The following CDC42BPA variants were observed in gnomAD, a reference collection of about 807,000 sequenced individuals.
CDC42BPA encodes the protein serine/threonine-protein kinase MRCK alpha.
CDC42BPA carries 80 observed loss-of-function variants against 223.5 expected under a neutral mutation model. That is an observed-to-expected ratio of 0.36 (90% CI 0.30 to 0.43). The LOEUF is 0.43. Ranked by LOEUF, CDC42BPA falls within the 20% of genes least tolerant of loss-of-function variation. The pLI is 1.00. For missense variants in CDC42BPA, 1,743 were observed against 2,099.9 expected (o/e 0.83, Z 3.32); for synonymous variants, 694 against 718.6 (o/e 0.97, Z 0.55).
At chr1:227,102,452 T>C (rs933169907) in intron 14 of CDC42BPA, among the ~76,000 whole-genome samples, 3 of 152,166 alleles carry the variant, frequency 2.0e-5, no homozygotes, top group South Asian at 2.1e-4. Flanking sequence ...TAAATTGACA[T>C]CTGTGGCACT....
At chr1:227,315,955 CAAAA>C (rs71180728) in intron 1 of CDC42BPA, among the ~76,000 whole-genome samples, 67 of 110,982 alleles carry the variant, frequency 6.0e-4, no homozygotes, top group African/African-American at 2.0e-3. Context: ...ATTTCAAATC[CAAAA>C]AAAAAAAAAA....
In CDC42BPA at chr1:227,031,478, A is replaced by G; in HGVS notation, c.3595T>C (p.Cys1199Arg). The change falls in exon 28 of 37, where the codon TGT (cysteine) becomes CGT (arginine). Residue 1199 changes from cysteine (C) to arginine (R), a missense_variant. Physicochemically the swap from Cys to Arg is radical, Grantham distance 180. Transcript: ENST00000366766. ...ASQLSASNNK[C>R]SILMLADTEN... is the part of the protein sequence containing the mutation. ...GTGTCTGCTAGCATCAGGATTGAAC[A>G]TTTGTTATTAGATGCTGAGAGCTGG... 2 of 1,614,088 alleles carry G rather than the reference A, an allele frequency of 1.2e-6. No homozygotes were observed. The highest frequency in any genetic ancestry group is 1.7e-6 in the Non-Finnish European group (2 of 1,179,952).
At chr1:227,189,834 A>T (rs889829500) in intron 5 of CDC42BPA, among the ~76,000 whole-genome samples, 7 of 152,166 alleles carry the variant, frequency 4.6e-5, no homozygotes, top group Non-Finnish European at 1.0e-4. Context: ...TAAACACAAC[A>T]GTCTCACTAG....
Position 226,992,859 on chromosome 1 carries a change from G to A in CDC42BPA, c.*1409C>T, listed in dbSNP as rs2148188203. On this transcript the variant is annotated 3_prime_UTR_variant, in exon 37 of 37. Coordinates refer to ENST00000366766, the MANE Select transcript of CDC42BPA (RefSeq NM_001394014.1). ...AACTACAACAGGAGGAATCCAGCTG[G>A]AAATGCCACTAACCCCACAATCCAG... 6.6e-6 allele frequency: 1 copy of A among 152,326 alleles called. No homozygotes were observed. Among genetic ancestry groups the A allele is most frequent in the East Asian group, 1.9e-4 (1 of 5,182 alleles). The allele number at this position is 152,326 out of a possible 1,614,324, so 9.4% of individuals were successfully genotyped here.
chr1:226,998,143 G>A (rs893692169), intron 35 of CDC42BPA, among the ~76,000 whole-genome samples: 1 of 152,160 alleles, frequency 6.6e-6, no homozygotes, highest in Non-Finnish European at 1.5e-5. Context: ...GGAAACAAGA[G>A]AGGACACAAA....
chr1:227,291,199 C>CA (rs1434167405), intron 1 of CDC42BPA, among the ~76,000 whole-genome samples: 3 of 152,008 alleles, frequency 2.0e-5, no homozygotes, highest in African/African-American at 7.2e-5. Flanking sequence ...CCCACCTGAA[C>CA]AAAAAATCAT....
chr1:227,066,394 AAAAAACAAAAAC>A (rs902395526), intron 21 of CDC42BPA, among the ~76,000 whole-genome samples: 4 of 148,164 alleles, frequency 2.7e-5, no homozygotes, highest in Admixed American at 1.3e-4. Flanking sequence ...GTCTCAAAAA[AAAAAACAAAAAC>A]AAAAACAAAA....
Position 227,016,410 on chromosome 1 carries a change from A to G in CDC42BPA, c.4740-213T>C, listed in dbSNP as rs976208666. The stretch of plus-strand genomic sequence containing the variant: ...ATCTTACGATTTTAGGTGGAATAGT[A>G]GAGGATCTTTTTAAATACTTAAGAC... On this transcript the variant is annotated intron_variant, in intron 33 of 36. Coordinates refer to ENST00000366766, the MANE Select transcript of CDC42BPA (RefSeq NM_001394014.1). 2.6e-5 allele frequency among the ~76,000 whole-genome samples: 4 copies of G among 152,232 alleles called. No homozygotes were observed. In the South Asian group the frequency reaches 8.3e-4, roughly 31 times the overall value.
chr1:227,087,394 G>A (rs542322265), intron 16 of CDC42BPA, among the ~76,000 whole-genome samples: 11 of 135,992 alleles, frequency 8.1e-5, no homozygotes, highest in African/African-American at 1.4e-4. Context: ...TGGACTCTTC[G>A]TTTCATTATG....
chr1:227,128,982 C>T, intron 11 of CDC42BPA, 127 bp downstream of exon 11: 1 of 667,910 alleles, frequency 1.5e-6, no homozygotes, highest in Non-Finnish European at 2.5e-6. Flanking sequence ...CTTATTTGCC[C>T]TTCCCTGACT....
chr1:227,124,205 T>C (rs895542768), intron 11 of CDC42BPA, among the ~76,000 whole-genome samples: 2 of 151,940 alleles, frequency 1.3e-5, no homozygotes, highest in African/African-American at 2.4e-5. Context: ...AAGAAGCAAA[T>C]ATTAAAAAGA....
intron 6 of CDC42BPA, among the ~76,000 whole-genome samples, chr1:227,154,502 C>T (rs917955289): frequency 2.0e-5 from 3 of 151,514 alleles, no homozygotes; most frequent in Non-Finnish European, 4.4e-5. Context: ...TATTTTAAAC[C>T]GATAAAAAAT....
At chr1:227,232,656 CTGTTGGAGTT>C (rs1182207591) in intron 2 of CDC42BPA, among the ~76,000 whole-genome samples, 1 of 152,214 alleles carries the variant, frequency 6.6e-6, no homozygotes, top group Non-Finnish European at 1.5e-5. Flanking sequence ...AGCCGCAGGT[CTGTTGGAGTT>C]TGCTGGAGGT....
At chr1:227,109,130 T>C (rs796316479) in intron 14 of CDC42BPA, among the ~76,000 whole-genome samples, 1 of 152,174 alleles carries the variant, frequency 6.6e-6, no homozygotes, top group South Asian at 2.1e-4. Context: ...GGACTGGAAA[T>C]TGGCCTGGAT....
chr1:227,206,891 G>C (rs1274680276), intron 3 of CDC42BPA, among the ~76,000 whole-genome samples: 1 of 151,962 alleles, frequency 6.6e-6, no homozygotes. Flanking sequence ...AAGGATATTT[G>C]CATCTATATG....
At chr1:227,181,750 G>T (rs1667975736) in intron 5 of CDC42BPA, among the ~76,000 whole-genome samples, 1 of 152,104 alleles carries the variant, frequency 6.6e-6, no homozygotes. Context: ...CATGATAAAT[G>T]AATGAATTTA....
At chr1:227,295,234 T>C (rs7516326) in intron 1 of CDC42BPA, among the ~76,000 whole-genome samples, 30,734 of 152,008 alleles carry the variant, frequency 0.2, 3,173 homozygotes, top group East Asian at 0.26. Flanking sequence ...GATCTCAGCT[T>C]ATTACAACCT....
intron 31 of CDC42BPA, among the ~76,000 whole-genome samples, chr1:227,024,108 TAAAG>T (rs1667837411): frequency 6.6e-6 from 1 of 152,044 alleles, no homozygotes; most frequent in African/African-American, 2.4e-5. Context: ...CCACAATGTA[TAAAG>T]AATTTCAATA....
At chr1:227,172,331 T>C (rs1217278130) in intron 5 of CDC42BPA, among the ~76,000 whole-genome samples, 1 of 152,210 alleles carries the variant, frequency 6.6e-6, no homozygotes, top group Non-Finnish European at 1.5e-5. Context: ...TTAAGAATTA[T>C]GGGAATAAAA....
Sources: gnomAD v4.1 joint callset for allele counts (sites outside exome capture counted in the v4.1 genomes callset) on GRCh38, gnomAD v4.1.1 for gene constraint, MANE v1.5 for transcripts, NCBI Gene and HGNC (gene_info 2026-07-23, HGNC 2026-07-21) for gene names.